The following RYR3 variants were observed in gnomAD, a reference collection of about 807,000 sequenced individuals.
RYR3 encodes the protein brain ryanodine receptor-calcium release channel.
In RYR3, 207 loss-of-function variants were observed where a neutral mutation model predicts 584.3. The ratio of observed to expected loss-of-function variants is 0.35; its 90% CI spans 0.32 to 0.40. The LOEUF is 0.40. Among genes scored for constraint, RYR3 ranks in the 10% least tolerant of loss-of-function variants. The pLI, the probability that RYR3 is intolerant of heterozygous loss-of-function variation, is 1.00. For missense variants in RYR3, 5,616 were observed against 6,089.2 expected (o/e 0.92, Z 2.59); for synonymous variants, 2,416 against 2,248.5 (o/e 1.07, Z -2.11).
At chr15:33,791,831 G>C (rs1449701569) in intron 67 of RYR3, among the ~76,000 whole-genome samples, 3 of 152,132 alleles carry the variant, frequency 2.0e-5, no homozygotes, top group Non-Finnish European at 4.4e-5. Context: ...TGGATGAAGA[G>C]GAGGACAGAA....
intron 1 of RYR3, among the ~76,000 whole-genome samples, chr15:33,327,248 T>C (rs970114142): frequency 8.5e-5 from 13 of 152,190 alleles, no homozygotes; most frequent in Non-Finnish European, 1.6e-4. Flanking sequence ...TTAAAGGTGT[T>C]ACTGAGGACT....
chr15:33,617,650 T>G (rs1272885071), intron 19 of RYR3, among the ~76,000 whole-genome samples: 1 of 152,214 alleles, frequency 6.6e-6, no homozygotes, highest in Admixed American at 6.5e-5. Context: ...TCCTGTTTCC[T>G]CCTGTTTAAT....
intron 2 of RYR3, among the ~76,000 whole-genome samples, chr15:33,486,745 C>T (rs1441379035): frequency 6.6e-6 from 1 of 152,158 alleles, no homozygotes; most frequent in African/African-American, 2.4e-5. Flanking sequence ...CAGTGCTGAG[C>T]AGCAGAAGTG....
chr15:33,769,195 AAT>A, intron 62 of RYR3, 23 bp downstream of exon 62: 1 of 1,576,496 alleles, frequency 6.3e-7, no homozygotes, highest in Non-Finnish European at 8.7e-7. Context: ...AGTTTTTCCC[AAT>A]AGTTTCTCAT....
At chr15:33,724,034 C>T (rs2068151450) in intron 44 of RYR3, 31 bp from the exon 45 acceptor site, 8 of 1,324,932 alleles carry the variant, frequency 6.0e-6, no homozygotes, top group Admixed American at 1.7e-5. Context: ...TGCCAACCTT[C>T]CTCACACCTC....
At chr15:33,501,231 T>A (rs1006214990) in intron 2 of RYR3, among the ~76,000 whole-genome samples, 1 of 152,204 alleles carries the variant, frequency 6.6e-6, no homozygotes, top group Non-Finnish European at 1.5e-5. Context: ...AATCATAGCA[T>A]GCCTAGTGTC....
intron 67 of RYR3, among the ~76,000 whole-genome samples, chr15:33,793,875 C>T (rs917399605): frequency 2.7e-5 from 4 of 148,232 alleles, no homozygotes; most frequent in African/African-American, 9.9e-5. Flanking sequence ...TTATATTTAG[C>T]ATTCCAATAG....
intron 18 of RYR3, among the ~76,000 whole-genome samples, chr15:33,607,256 G>A (rs1420731657): frequency 6.6e-6 from 1 of 152,122 alleles, no homozygotes; most frequent in East Asian, 1.9e-4. Context: ...CTCATCAGAG[G>A]GGACTAAATT....
intron 1 of RYR3, among the ~76,000 whole-genome samples, chr15:33,457,221 G>C (rs553955564): frequency 6.6e-6 from 1 of 152,214 alleles, no homozygotes; most frequent in Non-Finnish European, 1.5e-5. Flanking sequence ...GACTCCTGCC[G>C]CTGAGAAGGA....
intron 12 of RYR3, among the ~76,000 whole-genome samples, chr15:33,573,184 A>G (rs773140428): frequency 1.3e-5 from 2 of 152,132 alleles, no homozygotes; most frequent in Non-Finnish European, 2.9e-5. Context: ...CAGGCACAGG[A>G]TATTTTAGAA....
intron 68 of RYR3, among the ~76,000 whole-genome samples, chr15:33,801,348 A>C (rs2075908049): frequency 6.6e-6 from 1 of 152,216 alleles, no homozygotes; most frequent in Non-Finnish European, 1.5e-5. Flanking sequence ...ACAACAGGTG[A>C]CAAATGTTTC....
In RYR3 at chr15:33,626,320, G is replaced by A. The variant is rs545479283; in HGVS notation, c.2575-2151G>A. ...CTTGTTGGGAACTGTAGTAAAGGTCGCTCCTCCTATGCAAAGAGACTGGCG... is the reference window on the plus strand; with the variant it reads ...CTTGTTGGGAACTGTAGTAAAGGTCACTCCTCCTATGCAAAGAGACTGGCG... On this transcript the variant is annotated intron_variant, in intron 20 of 103. Transcript: ENST00000634891. Among the ~76,000 whole-genome samples the A allele has an allele frequency of 1.6e-4, 24 of 152,288 alleles. No individual in the cohort carries two copies. The South Asian group carries it at 4.3e-3, about 28-fold the overall frequency.
At chr15:33,517,385 G>A (rs1461295213) in intron 3 of RYR3, among the ~76,000 whole-genome samples, 1 of 152,208 alleles carries the variant, frequency 6.6e-6, no homozygotes, top group East Asian at 1.9e-4. Context: ...AATTTGAACT[G>A]AGAATCACTG....
At chr15:33,334,478 T>C (rs1020553047) in intron 1 of RYR3, among the ~76,000 whole-genome samples, 8 of 152,174 alleles carry the variant, frequency 5.3e-5, no homozygotes, top group Non-Finnish European at 8.8e-5. Flanking sequence ...TAGCTAGTCA[T>C]ATGCAGAAAA....
At chr15:33,677,840 G>C (rs2064290303) in intron 38 of RYR3, among the ~76,000 whole-genome samples, 1 of 152,180 alleles carries the variant, frequency 6.6e-6, no homozygotes, top group Admixed American at 6.5e-5. Context: ...TCTAGACACA[G>C]CCTGTCCTGA....
In RYR3 at chr15:33,537,412, TGTGG is replaced by T. The variant is rs1257563594; in HGVS notation, c.434-1937_434-1934del. On this transcript the variant is annotated intron_variant, in intron 5 of 103. Transcript: ENST00000634891. ...TTGCCTTCTTGGTTTACCACCTCAC[TGTGG>T]TGGAACACATTATCTAGTAACTTTT... Among the ~76,000 whole-genome samples the T allele has an allele frequency of 9.1e-3, 1,390 of 152,326 alleles. 24 individuals are homozygous for T. Among genetic ancestry groups the T allele is most frequent in the African/African-American group, 0.032 (1,312 of 41,566 alleles).
At chr15:33,787,565 A>G (rs925041962) in intron 66 of RYR3, among the ~76,000 whole-genome samples, 4 of 151,436 alleles carry the variant, frequency 2.6e-5, no homozygotes, top group Non-Finnish European at 1.5e-5. Flanking sequence ...GGAAAGGCAT[A>G]TTGCTCTTTC....
intron 1 of RYR3, among the ~76,000 whole-genome samples, chr15:33,467,157 C>T (rs991365478): frequency 1.4e-4 from 22 of 152,212 alleles, no homozygotes; most frequent in African/African-American, 5.1e-4. Context: ...AGGTAGGAAA[C>T]ATCTTCCCTT....
At position 33,838,294 on chromosome 15, in the gene RYR3, C is replaced by T; in HGVS notation, c.12314C>T (p.Ser4105Phe). The T allele has an allele frequency of 6.2e-7, 1 of 1,613,952 alleles. No individual in the cohort carries two copies. The highest frequency in any genetic ancestry group is 8.5e-7 in the Non-Finnish European group (1 of 1,179,884). Residue 4105 changes from serine to phenylalanine, a missense_variant, in exon 89 of 104, where the codon TCC becomes TTC. Transcript: ENST00000634891. ...EMQLASQISE[S>F]DSADRPEEEE... is the part of the protein sequence containing the mutation. ...CAGTTAGCATCTCAGATCTCTGAAT[C>T]CGATTCAGCTGACAGGCCAGAAGAG...
Sources: gnomAD v4.1 joint callset for allele counts (sites outside exome capture counted in the v4.1 genomes callset) on GRCh38, gnomAD v4.1.1 for gene constraint, MANE v1.5 for transcripts, NCBI Gene and HGNC (gene_info 2026-07-23, HGNC 2026-07-21) for gene names.